Variants in DTL observed in about 807,000 individuals in gnomAD.
DTL encodes the protein denticleless E3 ubiquitin protein ligase adapter.
In DTL, 46 loss-of-function variants were observed where a neutral mutation model predicts 87.0. The ratio of observed to expected loss-of-function variants is 0.53; its 90% CI spans 0.42 to 0.68. The LOEUF (loss-of-function observed/expected upper bound fraction) is 0.68. Among genes scored for constraint, DTL ranks in the 30% least tolerant of loss-of-function variants. The probability of loss-of-function intolerance (pLI) is 0.00; values close to 1 mark genes in which losing one functional copy is unlikely to be tolerated. For missense variants in DTL, 737 were observed against 869.4 expected, an observed-to-expected ratio of 0.85 and a Z score of 1.91; for synonymous variants, 308 against 311.2, an observed-to-expected ratio of 0.99 and a Z score of 0.11.
At chr1:212,087,490 C>G (rs1198199787) in intron 13 of DTL, among the ~76,000 whole-genome samples, 1 of 151,338 alleles carries the variant, frequency 6.6e-6, no homozygotes, top group East Asian at 1.9e-4. Flanking sequence ...GCGGAGCTTG[C>G]AGTGAGTGGA....
chr1:212,080,034 G>T (rs1654944835), intron 12 of DTL, among the ~76,000 whole-genome samples: 1 of 152,174 alleles, frequency 6.6e-6, no homozygotes, highest in African/African-American at 2.4e-5. Flanking sequence ...AGGGACAAAG[G>T]TTATTTTTTA....
chr1:212,103,048 T>C lies in DTL; in HGVS notation c.*108T>C, dbSNP rs947987225. 2.3e-5 allele frequency: 13 copies of C among 575,632 alleles called. No homozygotes were observed. The highest frequency in any genetic ancestry group is 5.7e-4 in the Middle Eastern group (2 of 3,524). 35.7% of individuals were successfully genotyped at this position (575,632 alleles called of 1,614,324 possible). On this transcript the variant is annotated 3_prime_UTR_variant, in exon 15 of 15. Transcript: ENST00000366991. ...AGAGTGACTCTATAACTCTGGTCTT[T>C]AAGAAAGCTGCCTTTTCATTTTTAG...
intron 5 of DTL, among the ~76,000 whole-genome samples, chr1:212,055,158 C>T (rs1571949946): frequency 6.7e-6 from 1 of 149,912 alleles, no homozygotes; most frequent in South Asian, 2.1e-4. Context: ...TAAGAAGCTC[C>T]GGAAGCAAGG....
At chr1:212,096,968 C>A (rs1449929840) in intron 13 of DTL, among the ~76,000 whole-genome samples, 4 of 152,088 alleles carry the variant, frequency 2.6e-5, no homozygotes, top group African/African-American at 9.7e-5. Context: ...AGATGAGATT[C>A]TATTTTTGTG....
intron 6 of DTL, 36 bp from the exon 7 acceptor site, chr1:212,064,881 A>T: frequency 6.5e-7 from 1 of 1,530,976 alleles, no homozygotes; most frequent in South Asian, 1.1e-5. Flanking sequence ...GCATGTAAGA[A>T]TCCTGAAACC....
At chr1:212,039,178 T>A (rs72750330) in intron 1 of DTL, among the ~76,000 whole-genome samples, 85 of 152,348 alleles carry the variant, frequency 5.6e-4, no homozygotes, top group Non-Finnish European at 1.0e-3. Context: ...ATGGATTGAA[T>A]TTTCAATTCA....
In DTL at chr1:212,100,657, A is replaced by T. The variant is rs1188130556; in HGVS notation, c.1667A>T (p.Asp556Val). 1 of 1,614,056 alleles carries T rather than the reference A, an allele frequency of 6.2e-7. No individual in the cohort carries two copies. The highest frequency in any genetic ancestry group is 1.1e-5 in the South Asian group (1 of 91,078). ...ESRNRVKRRL[D>V]SSCLESVKQK... The stretch of plus-strand genomic sequence containing the variant: ...AGAAATAGAGTAAAGAGGAGGCTAG[A>T]CTCAAGCTGTCTGGAGAGTGTGAAA... The change falls in exon 14 of 15, where the codon GAC becomes GTC. Residue 556 changes from aspartate (D) to valine (V), a missense_variant. Transcript: ENST00000366991.
intron 5 of DTL, among the ~76,000 whole-genome samples, chr1:212,054,563 G>A (rs1178333792): frequency 2.0e-5 from 3 of 151,992 alleles, no homozygotes; most frequent in Non-Finnish European, 1.5e-5. Flanking sequence ...CAAGGCTGAG[G>A]TGGGCTGATC....
At position 212,078,157 on chromosome 1, in the gene DTL, T is replaced by G; in HGVS notation, c.1036-16T>G. The G allele has an allele frequency of 6.6e-7, 1 of 1,522,390 alleles. No homozygotes were observed. The highest frequency in any genetic ancestry group is 9.1e-7 in the Non-Finnish European group (1 of 1,098,244). 94.3% of individuals were successfully genotyped at this position (1,522,390 alleles called of 1,614,324 possible). A position where few individuals can be genotyped will look rare whatever the true frequency, so the allele number is the denominator to read the frequency against. On this transcript the variant is annotated splice_polypyrimidine_tract_variant and intron_variant, in intron 11 of 14. Transcript: ENST00000366991. ...TAATATTGCTTTGCTGACTTGTTTG[T>G]TTTTGATTGGACTAGGTCTCCACAC...
intron 5 of DTL, among the ~76,000 whole-genome samples, chr1:212,054,721 G>A (rs1167098355): frequency 6.7e-6 from 1 of 149,088 alleles, no homozygotes; most frequent in Admixed American, 6.8e-5. Flanking sequence ...CTTGAACCTG[G>A]GAGACAGAGG....
intron 14 of DTL, among the ~76,000 whole-genome samples, chr1:212,102,385 A>C (rs1476235773): frequency 6.6e-6 from 1 of 152,226 alleles, no homozygotes; most frequent in Non-Finnish European, 1.5e-5. Context: ...AATCTTTAAA[A>C]AGTAGAAACA....
intron 5 of DTL, among the ~76,000 whole-genome samples, chr1:212,049,041 A>G (rs1046263045): frequency 3.3e-5 from 5 of 152,078 alleles, no homozygotes; most frequent in African/African-American, 7.2e-5. Context: ...TCATGCCTCA[A>G]CTTCCCAAGT....
rs151230432 is a variant in DTL, at chr1:212,087,635, G to A, written c.1261+6885G>A. Among the ~76,000 whole-genome samples, 28 of 152,136 alleles carry A rather than the reference G, an allele frequency of 1.8e-4. No homozygotes were observed. The East Asian group carries it at 5.2e-3, about 28-fold the overall frequency. ...TTATGCCTAGATTACTCCATTTCTG[G>A]GTGATGCTAGGGTTACTCTGAAGAG... On this transcript the variant is annotated intron_variant, in intron 13 of 14. Coordinates refer to ENST00000366991, the MANE Select transcript of DTL (RefSeq NM_016448.4).
intron 12 of DTL, 36 bp downstream of exon 12, chr1:212,078,298 T>A: frequency 7.9e-7 from 1 of 1,264,430 alleles, no homozygotes; most frequent in Non-Finnish European, 1.2e-6. Context: ...GTTTAAAATG[T>A]AGATCACAGG....
chr1:212,042,494 C>T (rs114638811), intron 1 of DTL, among the ~76,000 whole-genome samples: 1 of 152,326 alleles, frequency 6.6e-6, no homozygotes, highest in African/African-American at 2.4e-5. Context: ...TAGATTCCTA[C>T]AATTTCAGCA....
At chr1:212,086,643 CT>C (rs1655138706) in intron 13 of DTL, among the ~76,000 whole-genome samples, 1 of 152,180 alleles carries the variant, frequency 6.6e-6, no homozygotes, top group Admixed American at 6.5e-5. Context: ...CCACCTCAGT[CT>C]CCCAAAGTGC....
intron 5 of DTL, among the ~76,000 whole-genome samples, chr1:212,056,140 C>T (rs1179536357): frequency 2.0e-5 from 3 of 152,204 alleles, no homozygotes; most frequent in Non-Finnish European, 4.4e-5. Context: ...GCCCACCCAC[C>T]TGGCCCACTG....
chr1:212,076,650 C>T (rs974485814), intron 11 of DTL, among the ~76,000 whole-genome samples: 8 of 152,136 alleles, frequency 5.3e-5, no homozygotes, highest in African/African-American at 1.9e-4. Flanking sequence ...TTTCCTCTCC[C>T]TTCTAATTTG....
At position 212,062,958 on chromosome 1, in the gene DTL, G is replaced by T. The variant is rs544745447; in HGVS notation, c.526+9G>T. 57 of 1,604,812 alleles carry T rather than the reference G, an allele frequency of 3.6e-5. No individual in the cohort carries two copies. The highest frequency in any genetic ancestry group is 3.5e-4 in the Admixed American group (21 of 59,982). Reference sequence around the variant, plus strand: ...CAGGTGCAACAAAAAAGGTTATCTAGATCTATTTTAATTTTGAGAGATTTG... The same window carrying T: ...CAGGTGCAACAAAAAAGGTTATCTATATCTATTTTAATTTTGAGAGATTTG... On this transcript the variant is annotated intron_variant, in intron 6 of 14. Transcript: ENST00000366991.
Sources: gnomAD v4.1 joint callset for allele counts (sites outside exome capture counted in the v4.1 genomes callset) on GRCh38, gnomAD v4.1.1 for gene constraint, MANE v1.5 for transcripts, NCBI Gene and HGNC (gene_info 2026-07-23, HGNC 2026-07-21) for gene names.